KCNMA1: variants seen among roughly 807,000 people sequenced by gnomAD.
KCNMA1 encodes the protein potassium calcium-activated channel subfamily M alpha 1.
KCNMA1 carries 29 observed loss-of-function variants against 140.0 expected under a neutral mutation model. The ratio of observed to expected loss-of-function variants is 0.21; its 90% CI spans 0.15 to 0.28. The LOEUF is 0.28. Among genes scored for constraint, KCNMA1 ranks in the 10% least tolerant of loss-of-function variants. KCNMA1 has a pLI of 1.00. For missense variants in KCNMA1, 880 were observed against 1,602.2 expected (o/e 0.55, Z 7.70); for synonymous variants, 612 against 611.9 (o/e 1.00, Z 0.00).
At chr10:76,965,903 A>G (rs1439857143) in intron 20 of KCNMA1, among the ~76,000 whole-genome samples, 2 of 152,210 alleles carry the variant, frequency 1.3e-5, no homozygotes, top group African/African-American at 4.8e-5. Flanking sequence ...CTCCTAAACC[A>G]GGCTCAGCCT....
At chr10:77,320,844 G>A (rs1602408412) in intron 2 of KCNMA1, among the ~76,000 whole-genome samples, 1 of 152,128 alleles carries the variant, frequency 6.6e-6, no homozygotes, top group African/African-American at 2.4e-5. Context: ...AGGCACTCAC[G>A]GCCTGTCCTG....
At chr10:77,522,992 T>C (rs1202652316) in intron 1 of KCNMA1, among the ~76,000 whole-genome samples, 1 of 152,166 alleles carries the variant, frequency 6.6e-6, no homozygotes, top group Non-Finnish European at 1.5e-5. Context: ...TAAGTGCCAA[T>C]GTAAAGTGCC....
rs1305014370 is a variant in KCNMA1 at position 77,568,188 on chromosome 10, T to G, written c.378+69077A>C. Among the ~76,000 whole-genome samples the G allele has an allele frequency of 3.3e-5, 5 of 152,300 alleles. No individual in the cohort carries two copies. The East Asian group carries it at 7.7e-4, about 24-fold the overall frequency. On this transcript the variant is annotated intron_variant, in intron 1 of 27. Coordinates refer to ENST00000286628, the MANE Select transcript of KCNMA1 (RefSeq NM_001161352.2). Reference sequence around the variant, plus strand: ...GAACTGGTACCATTCCTTCTGAAACTATTCCAATCAATAGAAAAAGAGGGA... The same window carrying G: ...GAACTGGTACCATTCCTTCTGAAACGATTCCAATCAATAGAAAAAGAGGGA...
At chr10:77,365,935 G>A (rs1333122770) in intron 2 of KCNMA1, among the ~76,000 whole-genome samples, 1 of 152,076 alleles carries the variant, frequency 6.6e-6, no homozygotes, top group African/African-American at 2.4e-5. Flanking sequence ...AAGAATTCCA[G>A]CCTAGATCCC....
intron 1 of KCNMA1, among the ~76,000 whole-genome samples, chr10:77,604,692 C>T (rs1372149920): frequency 1.3e-5 from 2 of 151,906 alleles, no homozygotes; most frequent in African/African-American, 4.8e-5. Context: ...ATCCCCCGCC[C>T]CCCAAAAAAA....
chr10:77,436,215 C>T (rs1389146924), intron 1 of KCNMA1, among the ~76,000 whole-genome samples: 2 of 152,216 alleles, frequency 1.3e-5, no homozygotes, highest in African/African-American at 4.8e-5. Flanking sequence ...AGGCCACATA[C>T]CCAGGCCCTG....
At chr10:76,968,443 G>A (rs1393474637) in intron 20 of KCNMA1, among the ~76,000 whole-genome samples, 4 of 152,308 alleles carry the variant, frequency 2.6e-5, no homozygotes, top group African/African-American at 7.2e-5. Context: ...AACAGGGACA[G>A]GGAATTTGGC....
chr10:77,233,720 C>G (rs909916098), intron 3 of KCNMA1, among the ~76,000 whole-genome samples: 1 of 152,084 alleles, frequency 6.6e-6, no homozygotes, highest in East Asian at 1.9e-4. Flanking sequence ...AACTGCTGGC[C>G]GACAACCACC....
intron 16 of KCNMA1, chr10:77,025,538 A>C: frequency 1.7e-6 from 2 of 1,167,278 alleles, no homozygotes; most frequent in Non-Finnish European, 2.5e-6. Flanking sequence ...GAAGGAATAA[A>C]ACCTTTGTTT....
chr10:77,233,272 A>T (rs1197320228), intron 3 of KCNMA1, among the ~76,000 whole-genome samples: 1 of 152,054 alleles, frequency 6.6e-6, no homozygotes, highest in Non-Finnish European at 1.5e-5. Flanking sequence ...TTGCATTATT[A>T]CTCTTTCTAA....
intron 5 of KCNMA1, among the ~76,000 whole-genome samples, chr10:77,133,175 G>GA (rs1267315574): frequency 7.8e-6 from 1 of 128,232 alleles, no homozygotes; most frequent in African/African-American, 2.9e-5. Context: ...ATGGAGAAAA[G>GA]AAAAAAAGAA....
intron 1 of KCNMA1, among the ~76,000 whole-genome samples, chr10:77,576,182 T>C (rs1245181942): frequency 6.6e-6 from 1 of 152,218 alleles, no homozygotes; most frequent in Admixed American, 6.5e-5. Context: ...AACAAGGCCC[T>C]AGACTAGCAG....
chr10:77,389,409 C>T (rs1423758931), intron 2 of KCNMA1, among the ~76,000 whole-genome samples: 1 of 152,148 alleles, frequency 6.6e-6, no homozygotes, highest in Non-Finnish European at 1.5e-5. Context: ...GCGCTTCTAC[C>T]TCTGGAGGAG....
rs141979372 is a variant in KCNMA1, at chr10:77,105,030, C to T, written c.1223+3451G>A. On this transcript the variant is annotated intron_variant, in intron 9 of 27. Coordinates refer to ENST00000286628, the MANE Select transcript of KCNMA1 (RefSeq NM_001161352.2). ...CCAAGAGCCCAGAGAGCTCTAATCC[C>T]TCCAACTCAGAGAGATTACCTGCCT... 3.3e-5 allele frequency among the ~76,000 whole-genome samples: 5 copies of T among 152,300 alleles called. No homozygotes were observed. In the East Asian group the frequency reaches 7.7e-4, roughly 24 times the overall value.
At chr10:76,950,810 T>C (rs1397844168) in intron 21 of KCNMA1, among the ~76,000 whole-genome samples, 1 of 152,190 alleles carries the variant, frequency 6.6e-6, no homozygotes, top group Non-Finnish European at 1.5e-5. Context: ...CTGTCACCAT[T>C]ATTGGTTTCC....
chr10:77,637,090 C>A (rs1013492624), intron 1 of KCNMA1, 175 bp downstream of exon 1: 2 of 1,312,420 alleles, frequency 1.5e-6, no homozygotes, highest in South Asian at 3.1e-5. Flanking sequence ...CGGCGCGCCG[C>A]CCGCTGCCCC....
At chr10:77,211,725 T>C (rs545862367) in intron 3 of KCNMA1, among the ~76,000 whole-genome samples, 1 of 152,112 alleles carries the variant, frequency 6.6e-6, no homozygotes, top group African/African-American at 2.4e-5. Context: ...GTCTAATAAC[T>C]AGGATCTATA....
intron 2 of KCNMA1, among the ~76,000 whole-genome samples, chr10:77,273,072 TTC>T (rs1419232002): frequency 6.6e-6 from 1 of 152,234 alleles, no homozygotes; most frequent in Non-Finnish European, 1.5e-5. Flanking sequence ...ATCTACCCTT[TTC>T]TCTGATTTCA....
chr10:77,202,801 C>G (rs1598617286), intron 3 of KCNMA1, among the ~76,000 whole-genome samples: 1 of 152,034 alleles, frequency 6.6e-6, no homozygotes, highest in East Asian at 1.9e-4. Context: ...TTGTCATGGG[C>G]AATTATATTG....
Sources: gnomAD v4.1 joint callset for allele counts (sites outside exome capture counted in the v4.1 genomes callset) on GRCh38, gnomAD v4.1.1 for gene constraint, MANE v1.5 for transcripts, NCBI Gene and HGNC (gene_info 2026-07-23, HGNC 2026-07-21) for gene names.